Variants in LRRC28 observed in about 807,000 individuals in gnomAD.
LRRC28 encodes leucine rich repeat containing 28.
Under a neutral mutation model 45.7 loss-of-function variants are expected in LRRC28, and 39 were observed. That is an observed-to-expected ratio of 0.85 (90% CI 0.66 to 1.12). The LOEUF is 1.12. LRRC28 is among the 50% of genes most tolerant of loss of function. The pLI is 0.00. For synonymous variants in LRRC28, 206 were observed against 178.8 expected (o/e 1.15, Z -1.22); for missense variants, 435 against 438.5 (o/e 0.99, Z 0.07).
chr15:99,258,720 C>G, intron 2 of LRRC28: 1 of 709,854 alleles, frequency 1.4e-6, no homozygotes, highest in Non-Finnish European at 2.7e-6. Context: ...AGTGATGACC[C>G]TGTGGCTTGT....
Position 99,387,536 on chromosome 15 carries a change from A to C in LRRC28, c.*1434A>C, listed in dbSNP as rs1271926694. The C allele has an allele frequency of 6.6e-6, 1 of 152,222 alleles. No individual in the cohort carries two copies. The highest frequency in any genetic ancestry group is 2.4e-5 in the African/African-American group (1 of 41,446). 9.4% of individuals were successfully genotyped at this position (152,222 alleles called of 1,614,324 possible). On this transcript the variant is annotated 3_prime_UTR_variant, in exon 10 of 10. Coordinates refer to ENST00000301981, the MANE Select transcript of LRRC28 (RefSeq NM_144598.5). ...TCCAAATTCAGCCTTCGACTTCTGC[A>C]AAAGTCCATAAACAGAAAGTCTGTG...
At chr15:99,305,046 T>C (rs1955132449) in intron 5 of LRRC28, among the ~76,000 whole-genome samples, 1 of 152,134 alleles carries the variant, frequency 6.6e-6, no homozygotes, top group Admixed American at 6.5e-5. Flanking sequence ...GATGGCCAGA[T>C]CTTAGCGGTA....
intron 5 of LRRC28, among the ~76,000 whole-genome samples, chr15:99,306,703 C>G (rs539644518): frequency 6.6e-6 from 1 of 152,264 alleles, no homozygotes; most frequent in Admixed American, 6.5e-5. Flanking sequence ...TTAAAAGAAG[C>G]CTAGTTTTAT....
chr15:99,380,151 C>A (rs571704366), intron 9 of LRRC28, among the ~76,000 whole-genome samples: 210 of 152,144 alleles, frequency 1.4e-3, no homozygotes, highest in African/African-American at 4.0e-3. Flanking sequence ...AAAGTCTCCC[C>A]TTATTATTGT....
chr15:99,384,536 T>A (rs140152754), intron 9 of LRRC28: 3 of 152,248 alleles, frequency 2.0e-5, no homozygotes, highest in South Asian at 4.1e-4. Flanking sequence ...TGATTCTCTG[T>A]CCATGCCTTG....
At chr15:99,370,163 C>T (rs1303867259) in intron 9 of LRRC28, among the ~76,000 whole-genome samples, 2 of 152,174 alleles carry the variant, frequency 1.3e-5, no homozygotes, top group Non-Finnish European at 2.9e-5. Context: ...GATTTGAACC[C>T]CAATAGTCTG....
intron 5 of LRRC28, among the ~76,000 whole-genome samples, chr15:99,320,131 C>T (rs934638744): frequency 6.6e-6 from 1 of 151,984 alleles, no homozygotes; most frequent in Non-Finnish European, 1.5e-5. Context: ...TTAAAGCTCC[C>T]AAATAATATT....
intron 5 of LRRC28, chr15:99,333,569 C>T: frequency 4.4e-6 from 1 of 228,736 alleles, no homozygotes; most frequent in African/African-American, 2.3e-5. Context: ...AAACCAGGTT[C>T]CTTGAAATGA....
intron 7 of LRRC28, among the ~76,000 whole-genome samples, chr15:99,356,721 A>T (rs1957057233): frequency 6.6e-6 from 1 of 152,262 alleles, no homozygotes. Flanking sequence ...AATCCTAAGC[A>T]GTATAAATTC....
At chr15:99,287,974 T>C in intron 5 of LRRC28, 23 bp downstream of exon 5, 2 of 1,585,304 alleles carry the variant, frequency 1.3e-6, no homozygotes, top group African/African-American at 1.4e-5. Flanking sequence ...TCTAGCACAC[T>C]ATAGTTTCTT....
intron 5 of LRRC28, among the ~76,000 whole-genome samples, chr15:99,314,280 A>G (rs1955514492): frequency 6.6e-6 from 1 of 152,012 alleles, no homozygotes; most frequent in African/African-American, 2.4e-5. Flanking sequence ...CCCTGTCTCC[A>G]TAAAAGATTA....
chr15:99,382,890 T>C (rs982414647), intron 9 of LRRC28, among the ~76,000 whole-genome samples: 2 of 152,098 alleles, frequency 1.3e-5, no homozygotes, highest in South Asian at 2.1e-4. Flanking sequence ...GAGAGTAAGG[T>C]ATTGAAGTCC....
chr15:99,252,467 C>T (rs938217227), intron 1 of LRRC28, among the ~76,000 whole-genome samples: 2 of 152,214 alleles, frequency 1.3e-5, no homozygotes, highest in Non-Finnish European at 2.9e-5. Context: ...GTTACAGGGA[C>T]TGTCTTATTG....
In LRRC28 at chr15:99,387,279, C is replaced by A. The variant is rs577269068; in HGVS notation, c.*1177C>A. The A allele has an allele frequency of 6.6e-6, 1 of 151,766 alleles. No individual in the cohort carries two copies. Among genetic ancestry groups the A allele is most frequent in the African/African-American group, 2.4e-5 (1 of 41,278 alleles). 9.4% of individuals were successfully genotyped at this position (151,766 alleles called of 1,614,324 possible). The stretch of plus-strand genomic sequence containing the variant: ...GTTTCACCGTGTTAGCCGGGATGGT[C>A]TCGATCTCCTGACCTCGTGATCCGC... On this transcript the variant is annotated 3_prime_UTR_variant, in exon 10 of 10. Coordinates refer to ENST00000301981, the MANE Select transcript of LRRC28 (RefSeq NM_144598.5).
At chr15:99,282,345 G>A (rs1255352511) in intron 3 of LRRC28, among the ~76,000 whole-genome samples, 1 of 151,924 alleles carries the variant, frequency 6.6e-6, no homozygotes, top group Non-Finnish European at 1.5e-5. Context: ...CCCCTAGGGT[G>A]AAAGCTAGGG....
rs1956573677 is a variant in LRRC28, at chr15:99,343,213, TG to T, written c.592+9085del. Among the ~76,000 whole-genome samples, 3 of 152,360 alleles carry T rather than the reference TG, an allele frequency of 2.0e-5. No homozygotes were observed. The South Asian group carries it at 6.2e-4, about 32-fold the overall frequency. ...ATTGCTTTGATGTTGTTGTTTCTTT[TG>T]CCCCATCATTTTGTTGATGAGAATA... On this transcript the variant is annotated intron_variant, in intron 6 of 9. Coordinates refer to ENST00000301981, the MANE Select transcript of LRRC28 (RefSeq NM_144598.5).
intron 9 of LRRC28, among the ~76,000 whole-genome samples, chr15:99,382,007 G>A (rs1229454590): frequency 1.3e-5 from 2 of 152,194 alleles, no homozygotes; most frequent in East Asian, 1.9e-4. Flanking sequence ...CAGTCTGTCC[G>A]TTCTCAGATC....
Position 99,289,159 on chromosome 15 carries a change from T to C in LRRC28, c.385+1208T>C, listed in dbSNP as rs28439098. ...TGAGAGCCACCATTAAACCCTTTGA[T>C]TTCTTGGGAGGAGCATCCAGAGACC... On this transcript the variant is annotated intron_variant, in intron 5 of 9. Coordinates refer to ENST00000301981, the MANE Select transcript of LRRC28 (RefSeq NM_144598.5). Among the ~76,000 whole-genome samples, 367 of 152,308 alleles carry C rather than the reference T, an allele frequency of 2.4e-3. 1 individual carries two copies. The highest frequency in any genetic ancestry group is 8.4e-3 in the African/African-American group (348 of 41,578).
chr15:99,284,043 A>G (rs893858745), intron 3 of LRRC28, among the ~76,000 whole-genome samples: 2 of 152,190 alleles, frequency 1.3e-5, no homozygotes, highest in Non-Finnish European at 2.9e-5. Context: ...CTGCAACATC[A>G]CAGATTAGGA....
Sources: gnomAD v4.1 joint callset for allele counts (sites outside exome capture counted in the v4.1 genomes callset) on GRCh38, gnomAD v4.1.1 for gene constraint, MANE v1.5 for transcripts, NCBI Gene and HGNC (gene_info 2026-07-23, HGNC 2026-07-21) for gene names.